Variants in ESYT3 observed in about 807,000 individuals in gnomAD.
ESYT3 encodes the protein extended synaptotagmin-3.
In ESYT3, 101 loss-of-function variants were observed where a neutral mutation model predicts 111.5. The ratio of observed to expected loss-of-function variants is 0.91; its 90% CI spans 0.77 to 1.07. The LOEUF (loss-of-function observed/expected upper bound fraction) is 1.07, where lower values mean the gene tolerates loss of function less well. ESYT3 is among the 50% of genes least tolerant of loss of function. The pLI is 0.00. For synonymous variants in ESYT3, 416 were observed against 446.8 expected (o/e 0.93, Z 0.87); for missense variants, 1,097 against 1,109.4 (o/e 0.99, Z 0.16).
intron 18 of ESYT3, 54 bp from the exon 19 acceptor site, chr3:138,473,482 G>C: frequency 6.7e-7 from 1 of 1,500,276 alleles, no homozygotes; most frequent in Non-Finnish European, 9.3e-7. Flanking sequence ...GGGGGTGGCG[G>C]AAGAGGGCCA....
Position 138,459,193 on chromosome 3 carries a change from C to G in ESYT3, c.588C>G (p.Ile196Met), listed in dbSNP as rs139594127. 9 of 1,535,024 alleles carry G rather than the reference C, an allele frequency of 5.9e-6. No homozygotes were observed. Among genetic ancestry groups the G allele is most frequent in the Non-Finnish European group, 7.1e-6 (8 of 1,131,732 alleles). Reference protein sequence around the residue: ...RVTVDLQICYIGDCEISVELQ... With the variant: ...RVTVDLQICYMGDCEISVELQ... ...TTTCCACCCCCCATTTCAGCTACAT[C>G]GGGGACTGTGAGATCAGTGTGGAGC... The change falls in exon 5 of 23, where the codon ATC (isoleucine) becomes ATG (methionine). Residue 196 changes from isoleucine to methionine, a missense_variant. Coordinates refer to ENST00000389567, the MANE Select transcript of ESYT3 (RefSeq NM_031913.5).
chr3:138,469,269 C>CAGTA, intron 14 of ESYT3, 167 bp from the exon 15 acceptor site: 1 of 639,622 alleles, frequency 1.6e-6, no homozygotes, highest in South Asian at 1.9e-5. Context: ...GGGGCTCGCA[C>CAGTA]AGTAATGACA....
In ESYT3 at chr3:138,440,022, T is replaced by G. The variant is rs2031022424; in HGVS notation, c.327+4897T>G. On this transcript the variant is annotated intron_variant, in intron 1 of 22. Transcript: ENST00000389567. The surrounding 1 kb of genome is among the most constrained non-coding windows in gnomAD (Gnocchi z 4.2). ...CCCCTTGTCCTCTCTGGGCCTCTGA[T>G]TTCTCTGAAAATCATGACATTTTAG... 6.6e-6 allele frequency among the ~76,000 whole-genome samples: 1 copy of G among 152,214 alleles called. No homozygotes were observed. Among genetic ancestry groups the G allele is most frequent in the Non-Finnish European group, 1.5e-5 (1 of 68,040 alleles).
rs1553810678 is a variant in ESYT3, at chr3:138,443,756, G to GTGTGTGTGTGTGTGTGACT, written c.328-8292_328-8291insTGTGTGTGTGTGTGTGACT. 6.3e-3 allele frequency among the ~76,000 whole-genome samples: 958 copies of GTGTGTGTGTGTGTGTGACT among 151,444 alleles called. 12 individuals are homozygous for GTGTGTGTGTGTGTGTGACT. The highest frequency in any genetic ancestry group is 0.019 in the African/African-American group (799 of 41,076). Reference sequence around the variant, plus strand: ...TGCATCTGTGTGTGTGTGTGTGTGTGACATGGCTGCTCCATGGGAGAGCTG... The same window carrying GTGTGTGTGTGTGTGTGACT: ...TGCATCTGTGTGTGTGTGTGTGTGTGTGTGTGTGTGTGTGTGACTACATGGCTGCTCCATGGGAGAGCTG... On this transcript the variant is annotated intron_variant, in intron 1 of 22. Transcript: ENST00000389567.
chr3:138,450,646 T>C (rs775210609), intron 1 of ESYT3, among the ~76,000 whole-genome samples: 14 of 152,188 alleles, frequency 9.2e-5, no homozygotes, highest in African/African-American at 1.2e-4. Flanking sequence ...CTCTGACCAA[T>C]CAAGGCTGTT....
chr3:138,457,820 A>C (rs566802634), intron 4 of ESYT3, among the ~76,000 whole-genome samples, 176 bp downstream of exon 4: 24 of 152,216 alleles, frequency 1.6e-4, no homozygotes, highest in African/African-American at 5.3e-4. Context: ...TCCAAGGCCC[A>C]GGCAGCAGAG....
chr3:138,464,226 C>A, intron 8 of ESYT3, 119 bp from the exon 9 acceptor site: 1 of 1,190,996 alleles, frequency 8.4e-7, no homozygotes, highest in Non-Finnish European at 1.2e-6. Flanking sequence ...TCTCCTGGTC[C>A]AGACCGTGGA....
Position 138,476,450 on chromosome 3 carries a change from T to C in ESYT3, c.2582T>C (p.Ile861Thr), listed in dbSNP as rs2033486267. Reference protein sequence around the residue: ...HRRKELGKVLIDLSKEDLIKG... With the variant: ...HRRKELGKVLTDLSKEDLIKG... Reference sequence around the variant, plus strand: ...TTATTTGTGATTATTTAGGTACTGATTGACTTATCAAAAGAAGATCTGATT... The same window carrying C: ...TTATTTGTGATTATTTAGGTACTGACTGACTTATCAAAAGAAGATCTGATT... Residue 861 changes from isoleucine to threonine, a missense_variant, in exon 22 of 23, where the codon ATT becomes ACT. Physicochemically the swap from Ile to Thr is moderately conservative, Grantham distance 89. Coordinates refer to ENST00000389567, the MANE Select transcript of ESYT3 (RefSeq NM_031913.5). 2.5e-6 allele frequency: 4 copies of C among 1,614,000 alleles called. No homozygotes were observed. The highest frequency in any genetic ancestry group is 3.4e-6 in the Non-Finnish European group (4 of 1,179,942).
rs930765725 is a variant in ESYT3, at chr3:138,466,181, G to A, written c.1169+760G>A. Among the ~76,000 whole-genome samples, 14 of 152,276 alleles carry A rather than the reference G, an allele frequency of 9.2e-5. No homozygotes were observed. In the South Asian group the frequency reaches 1.0e-3, roughly 11 times the overall value. On this transcript the variant is annotated intron_variant, in intron 10 of 22. Coordinates refer to ENST00000389567, the MANE Select transcript of ESYT3 (RefSeq NM_031913.5). The stretch of plus-strand genomic sequence containing the variant: ...CATCTGGGAGAGGAACCTTGAATGC[G>A]TATTTTTGCATGTGTTCATGTTAGC...
At chr3:138,454,709 C>T (rs994145118) in intron 2 of ESYT3, among the ~76,000 whole-genome samples, 1 of 152,220 alleles carries the variant, frequency 6.6e-6, no homozygotes, top group South Asian at 2.1e-4. Flanking sequence ...CCCAAATCAG[C>T]ACAGTGAGTC....
chr3:138,449,088 T>TC (rs1387102320), intron 1 of ESYT3, among the ~76,000 whole-genome samples: 1 of 142,962 alleles, frequency 7.0e-6, no homozygotes, highest in African/African-American at 2.7e-5. Context: ...TTTTCTTTTT[T>TC]TTTTTTTTTT....
intron 17 of ESYT3, among the ~76,000 whole-genome samples, chr3:138,472,133 TTTC>T: frequency 6.6e-6 from 1 of 152,312 alleles, no homozygotes; most frequent in African/African-American, 2.4e-5. Context: ...TTATCCTTAT[TTTC>T]TTGTGAATTT....
rs1160013062 is a variant in ESYT3, at chr3:138,476,924, C to T, written c.*70C>T. ...TATGTATATATTTTTTCCTTTGGAT[C>T]ACTTACATCCAATATATGTATATTT... On this transcript the variant is annotated 3_prime_UTR_variant, in exon 23 of 23. Transcript: ENST00000389567. 6 of 1,178,682 alleles carry T rather than the reference C, an allele frequency of 5.1e-6. No individual in the cohort carries two copies. Among genetic ancestry groups the T allele is most frequent in the Non-Finnish European group, 7.2e-6 (6 of 828,178 alleles). 73.0% of individuals were successfully genotyped at this position (1,178,682 alleles called of 1,614,324 possible).
chr3:138,469,982 A>T, intron 15 of ESYT3, 78 bp from the exon 16 acceptor site: 1 of 1,276,398 alleles, frequency 7.8e-7, no homozygotes, highest in Non-Finnish European at 1.1e-6. Context: ...CCTGGTGGCC[A>T]GAGTGATAGC....
At chr3:138,456,725 A>G (rs1357493682) in intron 3 of ESYT3, among the ~76,000 whole-genome samples, 1 of 152,194 alleles carries the variant, frequency 6.6e-6, no homozygotes, top group Non-Finnish European at 1.5e-5. Flanking sequence ...CTGAGGTGGA[A>G]AAGTTTCATC....
At position 138,440,043 on chromosome 3, in the gene ESYT3, T is replaced by C. The variant is rs1354111942; in HGVS notation, c.327+4918T>C. On this transcript the variant is annotated intron_variant, in intron 1 of 22. Transcript: ENST00000389567. The surrounding 1 kb of genome is among the most constrained non-coding windows in gnomAD (Gnocchi z 4.2). ...CTGATTTCTCTGAAAATCATGACAT[T>C]TTAGGAGATGTTCTATAGAGTCTTC... 6.6e-6 allele frequency among the ~76,000 whole-genome samples: 1 copy of C among 152,106 alleles called. No homozygotes were observed. Among genetic ancestry groups the C allele is most frequent in the Non-Finnish European group, 1.5e-5 (1 of 68,024 alleles).
At chr3:138,438,464 A>G (rs1259060540) in intron 1 of ESYT3, among the ~76,000 whole-genome samples, 1 of 151,940 alleles carries the variant, frequency 6.6e-6, no homozygotes, top group Non-Finnish European at 1.5e-5. Context: ...ATTTGCACCA[A>G]CTCCCTGTGA....
At chr3:138,441,163 G>A (rs1158305703) in intron 1 of ESYT3, among the ~76,000 whole-genome samples, 1 of 152,224 alleles carries the variant, frequency 6.6e-6, no homozygotes, top group Non-Finnish European at 1.5e-5. Context: ...GGTTAGGTCA[G>A]TTGAGCTCAT....
rs112171574 is a variant in ESYT3, at chr3:138,443,136, T to A, written c.327+8011T>A. ...TTCAGTGTCAGTGTTCTCATCACTG[T>A]GACTAGTGGAATTTCATCTGCTCAG... On this transcript the variant is annotated intron_variant, in intron 1 of 22. Transcript: ENST00000389567. 4.8e-3 allele frequency among the ~76,000 whole-genome samples: 737 copies of A among 152,280 alleles called. 3 individuals carry two copies. The highest frequency in any genetic ancestry group is 7.3e-3 in the Non-Finnish European group (494 of 68,030).
Sources: allele counts gnomAD v4.1 joint callset (sites outside exome capture counted in the v4.1 genomes callset), GRCh38; gene constraint gnomAD v4.1.1; non-coding constraint Gnocchi (gnomAD v3.1); transcripts MANE v1.5; gene names NCBI Gene and HGNC (gene_info 2026-07-23, HGNC 2026-07-21).